EHHADH: variants seen among roughly 807,000 people sequenced by gnomAD.
EHHADH encodes the protein peroxisomal bifunctional enzyme.
Under a neutral mutation model 64.4 loss-of-function variants are expected in EHHADH, and 48 were observed. The ratio of observed to expected loss-of-function variants is 0.75; its 90% CI spans 0.59 to 0.95. EHHADH has a LOEUF of 0.95. Ranked by LOEUF, EHHADH falls within the 40% of genes least tolerant of loss-of-function variation. The pLI is 0.00. For missense variants in EHHADH, 854 were observed against 876.6 expected (o/e 0.97, Z 0.33); for synonymous variants, 308 against 326.7 (o/e 0.94, Z 0.62).
chr3:185,198,210 T>C (rs1182284448), intron 6 of EHHADH, among the ~76,000 whole-genome samples: 1 of 151,780 alleles, frequency 6.6e-6, no homozygotes, highest in African/African-American at 2.4e-5. Flanking sequence ...TGCAACATTT[T>C]ATTATTTATT....
intron 4 of EHHADH, among the ~76,000 whole-genome samples, chr3:185,221,750 T>G (rs1345846000): frequency 6.6e-6 from 1 of 151,844 alleles, no homozygotes; most frequent in Non-Finnish European, 1.5e-5. Flanking sequence ...TTTTTTGTAT[T>G]TTTAGTGGAG....
At chr3:185,244,109 C>CT (rs1719528625) in intron 2 of EHHADH, among the ~76,000 whole-genome samples, 2 of 152,086 alleles carry the variant, frequency 1.3e-5, no homozygotes, top group Admixed American at 1.3e-4. Flanking sequence ...ATAATACATT[C>CT]TTTGTCTTTT....
Position 185,221,870 on chromosome 3 carries a change from G to C in EHHADH, c.464-3630C>G, listed in dbSNP as rs188857861. Among the ~76,000 whole-genome samples, 115 of 151,756 alleles carry C rather than the reference G, an allele frequency of 7.6e-4. No homozygotes were observed. The East Asian group carries it at 0.02, about 27-fold the overall frequency. ...ATTACAGGCATGAGCCACCGTGCCC[G>C]GCCCGCCTCACATTATTTTCTAATT... On this transcript the variant is annotated intron_variant, in intron 4 of 6. Coordinates refer to ENST00000231887, the MANE Select transcript of EHHADH (RefSeq NM_001966.4).
chr3:185,213,777 G>A (rs901050636), intron 5 of EHHADH, among the ~76,000 whole-genome samples: 1 of 151,894 alleles, frequency 6.6e-6, no homozygotes, highest in South Asian at 2.1e-4. Context: ...CTACTCCAGA[G>A]GCTGAAGCAG....
intron 5 of EHHADH, among the ~76,000 whole-genome samples, chr3:185,211,419 G>A (rs1010853989): frequency 6.6e-6 from 1 of 152,172 alleles, no homozygotes; most frequent in Admixed American, 6.5e-5. Flanking sequence ...AGTGAGTCAC[G>A]TTTCTGAAGG....
At chr3:185,193,726 C>T (rs997175711) in intron 6 of EHHADH, among the ~76,000 whole-genome samples, 2 of 151,854 alleles carry the variant, frequency 1.3e-5, no homozygotes, top group African/African-American at 2.4e-5. Context: ...ATGAGTCCAA[C>T]GAGATTGTAG....
intron 2 of EHHADH, among the ~76,000 whole-genome samples, chr3:185,238,426 T>C (rs1049832989): frequency 6.6e-6 from 1 of 152,100 alleles, no homozygotes; most frequent in African/African-American, 2.4e-5. Context: ...CATATTGTTG[T>C]TTTACTTTTT....
chr3:185,234,880 C>A (rs942993380), intron 3 of EHHADH, among the ~76,000 whole-genome samples: 8 of 152,098 alleles, frequency 5.3e-5, no homozygotes, highest in Non-Finnish European at 1.2e-4. Context: ...GTAAGCTAAC[C>A]ATTCAAAATT....
Position 185,192,389 on chromosome 3 carries a change from A to G in EHHADH, c.2009T>C (p.Val670Ala), listed in dbSNP as rs750760687. ...TTTCTCTAGAACTGTGGGCAACCCA[A>G]CTGTGGAAGCATAGAACATGGGCCC... is the stretch of plus-strand genomic sequence containing the variant. ...KGGPMFYASTVGLPTVLEKLQ... is the reference protein window; with the variant it reads ...KGGPMFYASTAGLPTVLEKLQ... The change falls in exon 7 of 7, where the codon GTT becomes GCT. Residue 670 changes from valine to alanine, a missense_variant. By Grantham distance (64) the Val-to-Ala change is moderately conservative. Coordinates refer to ENST00000231887, the MANE Select transcript of EHHADH (RefSeq NM_001966.4). 6.2e-7 allele frequency: 1 copy of G among 1,614,230 alleles called. No homozygotes were observed. The highest frequency in any genetic ancestry group is 8.5e-7 in the Non-Finnish European group (1 of 1,180,046).
intron 5 of EHHADH, among the ~76,000 whole-genome samples, chr3:185,214,891 T>G (rs1718641658): frequency 6.6e-6 from 1 of 152,210 alleles, no homozygotes; most frequent in Non-Finnish European, 1.5e-5. Flanking sequence ...CAAATCTTTG[T>G]GTATTTATGT....
chr3:185,211,033 T>C (rs1718527610), intron 5 of EHHADH, among the ~76,000 whole-genome samples: 1 of 152,182 alleles, frequency 6.6e-6, no homozygotes, highest in Non-Finnish European at 1.5e-5. Flanking sequence ...AAATTTTGGA[T>C]CCGGGCACAA....
At chr3:185,193,766 T>C (rs371056836) in intron 6 of EHHADH, among the ~76,000 whole-genome samples, 1 of 152,300 alleles carries the variant, frequency 6.6e-6, no homozygotes, top group Admixed American at 6.5e-5. Flanking sequence ...AAATCAAGTA[T>C]ATTTCTATAT....
chr3:185,225,493 T>C (rs1718950017), intron 4 of EHHADH, among the ~76,000 whole-genome samples: 1 of 152,186 alleles, frequency 6.6e-6, no homozygotes, highest in Non-Finnish European at 1.5e-5. Flanking sequence ...CTCCCTTGGA[T>C]TATGATAGCA....
chr3:185,218,975 A>AT (rs1006892621), intron 4 of EHHADH, among the ~76,000 whole-genome samples: 8 of 152,192 alleles, frequency 5.3e-5, no homozygotes, highest in African/African-American at 1.9e-4. Context: ...GTGGGCTGAG[A>AT]TCACACCACT....
At chr3:185,223,610 C>A (rs1176077104) in intron 4 of EHHADH, among the ~76,000 whole-genome samples, 1 of 152,148 alleles carries the variant, frequency 6.6e-6, no homozygotes, top group Non-Finnish European at 1.5e-5. Context: ...AGCGAAAACC[C>A]ACCTGGACCT....
chr3:185,203,562 G>A (rs1008291329), intron 6 of EHHADH, among the ~76,000 whole-genome samples: 1 of 152,130 alleles, frequency 6.6e-6, no homozygotes, highest in African/African-American at 2.4e-5. Context: ...AAGTGGCCCA[G>A]AGAAGCCAAT....
rs551915910 is a variant in EHHADH, at chr3:185,192,893, G to C, written c.1505C>G (p.Pro502Arg). Residue 502 changes from proline to arginine, a missense_variant, in exon 7 of 7, where the codon CCA becomes CGA. Coordinates refer to ENST00000231887, the MANE Select transcript of EHHADH (RefSeq NM_001966.4). ...TTCCAGCACCTGATCTACCTCCTCT[G>C]GTTTGCTGCCTTCTTCTAACAAGAA... ...AYFLLEEGSK[P>R]EEVDQVLEEF... 2.0e-4 allele frequency: 324 copies of C among 1,614,100 alleles called. 3 individuals carry two copies. The South Asian group carries it at 3.2e-3, about 16-fold the overall frequency.
At chr3:185,249,239 C>T (rs1191746902) in intron 1 of EHHADH, among the ~76,000 whole-genome samples, 1 of 152,138 alleles carries the variant, frequency 6.6e-6, no homozygotes, top group Non-Finnish European at 1.5e-5. Flanking sequence ...CGCCATTCTC[C>T]TGACTCAGCC....
chr3:185,199,719 T>G (rs1236703616), intron 6 of EHHADH, among the ~76,000 whole-genome samples: 7 of 152,250 alleles, frequency 4.6e-5, no homozygotes, highest in African/African-American at 1.7e-4. Context: ...TTCCATATTG[T>G]CTATGGCTGG....
Sources: gnomAD v4.1 joint callset for allele counts (sites outside exome capture counted in the v4.1 genomes callset) on GRCh38, gnomAD v4.1.1 for gene constraint, MANE v1.5 for transcripts, NCBI Gene and HGNC (gene_info 2026-07-23, HGNC 2026-07-21) for gene names.